ZNF280D: variants seen among roughly 807,000 people sequenced by gnomAD.
The protein encoded by ZNF280D is zinc finger protein 280D, also known as suppressor of hairy wing homolog 4.
ZNF280D carries 39 observed loss-of-function variants against 94.7 expected under a neutral mutation model. The observed-to-expected ratio is 0.41, with a 90% confidence interval of 0.32 to 0.54. ZNF280D has a LOEUF of 0.54. Ranked by LOEUF, ZNF280D falls within the 20% of genes least tolerant of loss-of-function variation. The pLI, the probability that ZNF280D is intolerant of heterozygous loss-of-function variation, is 0.22. For synonymous variants in ZNF280D, 398 were observed against 377.6 expected (o/e 1.05, Z -0.63); for missense variants, 1,090 against 1,149.3 (o/e 0.95, Z 0.75).
chr15:56,683,305 G>A (rs748241993), intron 9 of ZNF280D, among the ~76,000 whole-genome samples: 7 of 152,046 alleles, frequency 4.6e-5, no homozygotes, highest in African/African-American at 9.7e-5. Flanking sequence ...AAGTATCCTT[G>A]CTTATCCAAA....
chr15:56,697,165 G>A (rs1049484265), intron 6 of ZNF280D, among the ~76,000 whole-genome samples: 6 of 151,500 alleles, frequency 4.0e-5, no homozygotes, highest in East Asian at 1.9e-4. Flanking sequence ...TACCTTTCCC[G>A]CTATACCTTC....
intron 4 of ZNF280D, among the ~76,000 whole-genome samples, 153 bp from the exon 5 acceptor site, chr15:56,701,391 A>C (rs1458891917): frequency 3.3e-5 from 5 of 152,174 alleles, no homozygotes; most frequent in African/African-American, 1.2e-4. Context: ...TTAAACACAT[A>C]CATCTTTACC....
chr15:56,648,931 T>G (rs1356408470), intron 19 of ZNF280D, among the ~76,000 whole-genome samples: 2 of 152,164 alleles, frequency 1.3e-5, no homozygotes, highest in African/African-American at 4.8e-5. Flanking sequence ...AGTTCTATTT[T>G]TTCTAGTATG....
chr15:56,653,653 T>C, intron 19 of ZNF280D: 4 of 1,402,244 alleles, frequency 2.9e-6, no homozygotes, highest in Non-Finnish European at 3.7e-6. Context: ...AAAAAGACAA[T>C]TATCTGGCCT....
rs575090334 is a variant in ZNF280D, at chr15:56,631,252, G to A, written c.*246C>T. On this transcript the variant is annotated 3_prime_UTR_variant, in exon 22 of 22. Transcript: ENST00000267807. ...AACCATTAAATGAGACCTTTCCACT[G>A]CAAATTTAATTATCATTAAAATCCT... The A allele has an allele frequency of 1.0e-4, 41 of 407,554 alleles. No homozygotes were observed. The highest frequency in any genetic ancestry group is 1.3e-3 in the Middle Eastern group (2 of 1,514). The allele number at this position is 407,554 out of a possible 1,614,324, so 25.2% of individuals were successfully genotyped here.
At chr15:56,680,651 A>T (rs2055555896) in intron 10 of ZNF280D, among the ~76,000 whole-genome samples, 1 of 136,488 alleles carries the variant, frequency 7.3e-6, no homozygotes, top group Admixed American at 6.8e-5. Context: ...AAACTTTTGT[A>T]TTTTTTGTAG....
Position 56,654,422 on chromosome 15 carries a change from T to C in ZNF280D, c.2139A>G (p.Gln713=). 6.2e-7 allele frequency: 1 copy of C among 1,611,570 alleles called. No homozygotes were observed. The highest frequency in any genetic ancestry group is 1.1e-5 in the South Asian group (1 of 90,514). The change falls in exon 18 of 22, where the codon CAA becomes CAG. Residue 713 remains glutamine (Q), a synonymous_variant. Coordinates refer to ENST00000267807, the MANE Select transcript of ZNF280D (RefSeq NM_017661.4). ...CAACTTGGCAAGTATGAGTTTTATGTTGACTTAAGTGTGTAGCCATATTAT... is the reference window on the plus strand; with the variant it reads ...CAACTTGGCAAGTATGAGTTTTATGCTGACTTAAGTGTGTAGCCATATTAT... The part of the protein sequence containing the change: ...GLDNMATHLS[Q]HKTHTCQVVM...
chr15:56,678,656 T>C lies in ZNF280D; in HGVS notation c.1162+8A>G, dbSNP rs1476850314. ...AATATGGAATATTTAAATGTATTGGTAACTTACTAGAAAATTCATGGGGCG... is the reference window on the plus strand; with the variant it reads ...AATATGGAATATTTAAATGTATTGGCAACTTACTAGAAAATTCATGGGGCG... On this transcript the variant is annotated splice_region_variant and intron_variant, in intron 11 of 21. Coordinates refer to ENST00000267807, the MANE Select transcript of ZNF280D (RefSeq NM_017661.4). The C allele has an allele frequency of 1.9e-6, 3 of 1,574,286 alleles. No homozygotes were observed. The highest frequency in any genetic ancestry group is 1.2e-5 in the South Asian group (1 of 84,388).
intron 19 of ZNF280D, chr15:56,653,085 A>AT: frequency 1.0e-6 from 1 of 986,018 alleles, no homozygotes; most frequent in Non-Finnish European, 1.2e-6. Flanking sequence ...TGGTTAATAG[A>AT]TTTTATATGT....
chr15:56,658,341 C>A, intron 17 of ZNF280D, 83 bp downstream of exon 17: 1 of 944,728 alleles, frequency 1.1e-6, no homozygotes, highest in Non-Finnish European at 1.6e-6. Flanking sequence ...GCTAATTCTA[C>A]CTCAATAAAG....
chr15:56,694,158 T>A (rs1172690779), intron 6 of ZNF280D, among the ~76,000 whole-genome samples: 3 of 152,026 alleles, frequency 2.0e-5, no homozygotes, highest in Non-Finnish European at 4.4e-5. Context: ...AGATGAATGA[T>A]AATGGGCTCA....
chr15:56,654,355 A>C, intron 18 of ZNF280D, 30 bp downstream of exon 18: 1 of 1,596,110 alleles, frequency 6.3e-7, no homozygotes, highest in Non-Finnish European at 8.5e-7. Context: ...AAAGTCAAAA[A>C]TCTAAAGTAG....
chr15:56,648,997 A>G (rs2053056725), intron 19 of ZNF280D, among the ~76,000 whole-genome samples: 1 of 152,208 alleles, frequency 6.6e-6, no homozygotes, highest in Non-Finnish European at 1.5e-5. Context: ...TAAAGCTATT[A>G]TAACAAAGAG....
At chr15:56,672,819 A>G (rs2054959903) in intron 13 of ZNF280D, among the ~76,000 whole-genome samples, 1 of 152,012 alleles carries the variant, frequency 6.6e-6, no homozygotes. Context: ...AATATGTGTT[A>G]CAATTCTATT....
At chr15:56,697,795 T>A (rs1300099761) in intron 6 of ZNF280D, 1 of 152,126 alleles carries the variant, frequency 6.6e-6, no homozygotes, top group Non-Finnish European at 1.5e-5. Flanking sequence ...AATAACAAAC[T>A]CATTACAAAT....
intron 20 of ZNF280D, 112 bp downstream of exon 20, chr15:56,642,840 A>G (rs1351018799): frequency 1.7e-6 from 1 of 593,960 alleles, no homozygotes; most frequent in Non-Finnish European, 2.7e-6. Context: ...TCCTCACAAC[A>G]TCCCAAATAT....
intron 20 of ZNF280D, chr15:56,635,459 A>AGT (rs1209036256): frequency 5.7e-6 from 1 of 174,114 alleles, no homozygotes; most frequent in Non-Finnish European, 1.2e-5. Flanking sequence ...TAAAAGTTTC[A>AGT]GTGTACCAAA....
chr15:56,680,904 A>G (rs1367715517), intron 10 of ZNF280D, among the ~76,000 whole-genome samples: 5 of 152,314 alleles, frequency 3.3e-5, no homozygotes, highest in Middle Eastern at 3.4e-3. Context: ...TCTGCATTTT[A>G]CCATATTTAC....
rs2057451368 is a variant in ZNF280D at position 56,707,071 on chromosome 15, G to A, written c.28+11C>T. ...ACATATATTAGTATTAGTTGTGGCA[G>A]CAACACTTACTTTTTGGTTGAAAAG... On this transcript the variant is annotated intron_variant, in intron 3 of 21. Coordinates refer to ENST00000267807, the MANE Select transcript of ZNF280D (RefSeq NM_017661.4). 6.2e-7 allele frequency: 1 copy of A among 1,613,622 alleles called. No homozygotes were observed. Among genetic ancestry groups the A allele is most frequent in the African/African-American group, 1.3e-5 (1 of 75,036 alleles).
Sources: allele counts gnomAD v4.1 joint callset (sites outside exome capture counted in the v4.1 genomes callset), GRCh38; gene constraint gnomAD v4.1.1; transcripts MANE v1.5; gene names NCBI Gene and HGNC (gene_info 2026-07-23, HGNC 2026-07-21).